Variants in EFCAB11 observed in about 807,000 individuals in gnomAD.
EFCAB11 encodes EF-hand calcium binding domain 11, also known as EF-hand calcium-binding domain-containing protein 11.
Under a neutral mutation model 23.0 loss-of-function variants are expected in EFCAB11, and 14 were observed. The ratio of observed to expected loss-of-function variants is 0.61; its 90% CI spans 0.40 to 0.95. The LOEUF (loss-of-function observed/expected upper bound fraction) is 0.95. EFCAB11 is among the 40% of genes least tolerant of loss of function. EFCAB11 has a pLI of 0.00. For synonymous variants in EFCAB11, 65 were observed against 66.6 expected (o/e 0.98, Z 0.11); for missense variants, 198 against 195.8 (o/e 1.01, Z -0.07).
rs373199137 is a variant in EFCAB11 at position 89,914,476 on chromosome 14, ATAAG to A, written c.410+17061_410+17064del. 4.0e-4 allele frequency among the ~76,000 whole-genome samples: 61 copies of A among 152,330 alleles called. No homozygotes were observed. In the East Asian group the frequency reaches 9.7e-3, roughly 24 times the overall value. On this transcript the variant is annotated intron_variant, in intron 5 of 5. Coordinates refer to ENST00000316738, the MANE Select transcript of EFCAB11 (RefSeq NM_145231.4). ...AAAAACTGAGCAGTAAAAAATCTGCATAAGTAATTAAAAGACAGTTATGAAAGGC... is the reference window on the plus strand; with the variant it reads ...AAAAACTGAGCAGTAAAAAATCTGCATAATTAAAAGACAGTTATGAAAGGC...
intron 5 of EFCAB11, among the ~76,000 whole-genome samples, chr14:89,863,207 G>A (rs916683058): frequency 6.6e-6 from 1 of 152,022 alleles, no homozygotes; most frequent in African/African-American, 2.4e-5. Context: ...ATTAAACTAA[G>A]AATAATCCAA....
chr14:89,941,699 T>C (rs1341215187), intron 3 of EFCAB11, among the ~76,000 whole-genome samples: 19 of 151,226 alleles, frequency 1.3e-4, no homozygotes, highest in Non-Finnish European at 1.5e-5. Context: ...TATAGGTGCA[T>C]ACCGCCATGA....
At chr14:89,905,657 C>T (rs1889474469) in intron 5 of EFCAB11, among the ~76,000 whole-genome samples, 1 of 152,110 alleles carries the variant, frequency 6.6e-6, no homozygotes, top group African/African-American at 2.4e-5. Flanking sequence ...ATTTAGGTAA[C>T]TAGTTCATCT....
In EFCAB11 at chr14:89,797,139, ATGT is replaced by A. The variant is rs1045989344; in HGVS notation, c.*101_*103del. 7.2e-6 allele frequency: 8 copies of A among 1,107,052 alleles called. No individual in the cohort carries two copies. Among genetic ancestry groups the A allele is most frequent in the Non-Finnish European group, 3.8e-6 (3 of 780,936 alleles). 68.6% of individuals were successfully genotyped at this position (1,107,052 alleles called of 1,614,324 possible). On this transcript the variant is annotated 3_prime_UTR_variant, in exon 6 of 6. Transcript: ENST00000316738. ...ACCCACAAAAATTAAAAATTTTTAA[ATGT>A]TTAATCACAAGTCTGTAGCATGACA...
Position 89,953,984 on chromosome 14 carries a change from A to G in EFCAB11, c.93T>C (p.Asp31=). 6.2e-7 allele frequency: 1 copy of G among 1,613,354 alleles called. No individual in the cohort carries two copies. Among genetic ancestry groups the G allele is most frequent in the Non-Finnish European group, 8.5e-7 (1 of 1,179,880 alleles). ...TGCTGAGATATCCTTTGTGATCTTC[A>G]TCACATGCTTTAAATACCTGAAGAA... is the stretch of plus-strand genomic sequence containing the variant. ...RKWVEVFKAC[D]EDHKGYLSRE... The change falls in exon 2 of 6, where the codon GAT becomes GAC. Residue 31 remains aspartate (D), a synonymous_variant. Coordinates refer to ENST00000316738, the MANE Select transcript of EFCAB11 (RefSeq NM_145231.4).
In EFCAB11 at chr14:89,795,716, T is replaced by C. The variant is rs890952159; in HGVS notation, c.*1527A>G. ...TTATTAAGGTTATCTGCTAATAATT[T>C]GTATGATAATGACGCTTAATGTTTC... On this transcript the variant is annotated 3_prime_UTR_variant, in exon 6 of 6. Transcript: ENST00000316738. 6.6e-6 allele frequency: 1 copy of C among 152,208 alleles called. No individual in the cohort carries two copies. The highest frequency in any genetic ancestry group is 2.4e-5 in the African/African-American group (1 of 41,462). The allele number at this position is 152,208 out of a possible 1,614,324, so 9.4% of individuals were successfully genotyped here. A position where few individuals can be genotyped will look rare whatever the true frequency, so the allele number is the denominator to read the frequency against.
At chr14:89,915,732 C>A (rs1369211771) in intron 5 of EFCAB11, among the ~76,000 whole-genome samples, 2 of 152,140 alleles carry the variant, frequency 1.3e-5, no homozygotes, top group Non-Finnish European at 2.9e-5. Flanking sequence ...CTGCCATAAA[C>A]TCACACTCAA....
chr14:89,829,353 G>T (rs8005836), intron 5 of EFCAB11, among the ~76,000 whole-genome samples: 61,328 of 152,062 alleles, frequency 0.4, 13,631 homozygotes, highest in East Asian at 0.71. Context: ...ATTAGGTAAA[G>T]GCTAGTGCGT....
chr14:89,940,114 C>A (rs1890739720), intron 3 of EFCAB11, among the ~76,000 whole-genome samples: 1 of 152,176 alleles, frequency 6.6e-6, no homozygotes, highest in South Asian at 2.1e-4. Flanking sequence ...TATAGTGAAA[C>A]ATATTCACTG....
At chr14:89,916,115 TC>T (rs1006463871) in intron 5 of EFCAB11, among the ~76,000 whole-genome samples, 4 of 148,344 alleles carry the variant, frequency 2.7e-5, no homozygotes, top group Non-Finnish European at 4.5e-5. Context: ...GTCTAATTTT[TC>T]CCCCCAAAAC....
chr14:89,836,713 TATA>T (rs1887095281), intron 5 of EFCAB11: 4 of 455,736 alleles, frequency 8.8e-6, no homozygotes, highest in Middle Eastern at 3.2e-4. Context: ...TACCTTGATT[TATA>T]ATGTTTAAAT....
intron 5 of EFCAB11, among the ~76,000 whole-genome samples, chr14:89,873,881 T>C (rs894570762): frequency 1.3e-5 from 2 of 152,158 alleles, no homozygotes; most frequent in African/African-American, 4.8e-5. Context: ...GTTTGTGGCT[T>C]TTCCAGGTAC....
At chr14:89,944,563 G>A (rs1269653035) in intron 3 of EFCAB11, among the ~76,000 whole-genome samples, 1 of 152,070 alleles carries the variant, frequency 6.6e-6, no homozygotes. Context: ...AAGAATGTGG[G>A]AAATCCTTTT....
intron 5 of EFCAB11, among the ~76,000 whole-genome samples, chr14:89,815,867 G>C (rs896399535): frequency 6.6e-6 from 1 of 152,060 alleles, no homozygotes; most frequent in Non-Finnish European, 1.5e-5. Flanking sequence ...GGTTCAACTG[G>C]AAAAATAAAA....
intron 5 of EFCAB11, among the ~76,000 whole-genome samples, chr14:89,814,858 G>A (rs374150365): frequency 6.6e-6 from 1 of 152,100 alleles, no homozygotes; most frequent in Admixed American, 6.5e-5. Flanking sequence ...CTGGGCTTTC[G>A]GAGATTTTGA....
At chr14:89,953,880 T>A (rs1003042702) in intron 2 of EFCAB11, 26 bp downstream of exon 2, 1 of 1,592,406 alleles carries the variant, frequency 6.3e-7, no homozygotes, top group Admixed American at 1.7e-5. Context: ...GTCTACCCCA[T>A]CCCCAAATAT....
intron 5 of EFCAB11, among the ~76,000 whole-genome samples, chr14:89,879,589 T>A (rs192017549): frequency 6.6e-6 from 1 of 152,220 alleles, no homozygotes; most frequent in African/African-American, 2.4e-5. Context: ...CTTACAAATA[T>A]ATACCATAAT....
chr14:89,810,866 G>A (rs1488489150), intron 5 of EFCAB11, among the ~76,000 whole-genome samples: 1 of 152,100 alleles, frequency 6.6e-6, no homozygotes, highest in Non-Finnish European at 1.5e-5. Flanking sequence ...ATAAATGGGT[G>A]AGCAGAAAAG....
In EFCAB11 at chr14:89,892,796, G is replaced by A. The variant is rs534975276; in HGVS notation, c.410+38745C>T. 2.1e-3 allele frequency among the ~76,000 whole-genome samples: 327 copies of A among 152,174 alleles called. 2 individuals carry two copies. Among genetic ancestry groups the A allele is most frequent in the African/African-American group, 7.5e-3 (310 of 41,490 alleles). On this transcript the variant is annotated intron_variant, in intron 5 of 5. Transcript: ENST00000316738. ...GCATGCCTGTAATCCCAGTTACTCC[G>A]GAGGCTAAGGCAGGAGAATCGCTTG...
Sources: allele counts gnomAD v4.1 joint callset (sites outside exome capture counted in the v4.1 genomes callset), GRCh38; gene constraint gnomAD v4.1.1; transcripts MANE v1.5; gene names NCBI Gene and HGNC (gene_info 2026-07-23, HGNC 2026-07-21).